Variants in CDC27 observed in about 807,000 individuals in gnomAD.
CDC27 encodes the protein cell division cycle protein 27 homolog.
CDC27 carries 27 observed loss-of-function variants against 109.7 expected under a neutral mutation model. The observed-to-expected ratio is 0.25, with a 90% CI of 0.18 to 0.34. CDC27 has a LOEUF of 0.34. Ranked by LOEUF, CDC27 falls within the 10% of genes least tolerant of loss-of-function variation. The probability of loss-of-function intolerance (pLI) is 1.00; values close to 1 mark genes in which losing one functional copy is unlikely to be tolerated. For synonymous variants in CDC27, 266 were observed against 333.9 expected (o/e 0.80, Z 2.22); for missense variants, 579 against 960.2 (o/e 0.60, Z 5.25).
rs536994001 is a variant in CDC27, at chr17:47,154,049, A to C, written c.957+623T>G. Among the ~76,000 whole-genome samples the C allele has an allele frequency of 2.1e-3, 320 of 151,114 alleles. 4 individuals carry two copies. Among genetic ancestry groups the C allele is most frequent in the African/African-American group, 7.3e-3 (299 of 41,108 alleles). The stretch of plus-strand genomic sequence containing the variant: ...GGCTACAGTGAGTCATGGTCACACC[A>C]CTGCACTCCAGCCTGGGCAGGAGAG... On this transcript the variant is annotated intron_variant, in intron 8 of 18. Transcript: ENST00000066544.
intron 15 of CDC27, among the ~76,000 whole-genome samples, chr17:47,131,280 T>C (rs1439948514): frequency 6.6e-6 from 1 of 152,212 alleles, no homozygotes; most frequent in East Asian, 1.9e-4. Flanking sequence ...AGACACATTA[T>C]CTCTCCATTT....
chr17:47,187,548 C>G (rs896777989), intron 1 of CDC27, among the ~76,000 whole-genome samples: 5 of 151,778 alleles, frequency 3.3e-5, no homozygotes, highest in African/African-American at 4.8e-5. Flanking sequence ...GTGATCCACC[C>G]GCCTCAGCCT....
chr17:47,147,361 T>G (rs1474364076), intron 9 of CDC27, among the ~76,000 whole-genome samples: 1 of 150,694 alleles, frequency 6.6e-6, no homozygotes, highest in Non-Finnish European at 1.5e-5. Flanking sequence ...ATCGCGCCAC[T>G]GCACTCCAGC....
intron 4 of CDC27, among the ~76,000 whole-genome samples, chr17:47,165,217 A>C (rs1395457434): frequency 6.6e-6 from 1 of 152,124 alleles, no homozygotes; most frequent in Non-Finnish European, 1.5e-5. Flanking sequence ...CTATTTACTT[A>C]CTGAATTTTG....
At chr17:47,122,337 T>C in intron 18 of CDC27, 107 bp downstream of exon 18, 1 of 724,718 alleles carries the variant, frequency 1.4e-6, no homozygotes. Context: ...GTCCATTTGG[T>C]ATAATGAAAA....
intron 2 of CDC27, among the ~76,000 whole-genome samples, chr17:47,174,210 A>G (rs2063909545): frequency 6.6e-6 from 1 of 152,234 alleles, no homozygotes; most frequent in African/African-American, 2.4e-5. Context: ...CAGCAGAAAA[A>G]GATAACAGTA....
chr17:47,134,384 A>G (rs538395763), intron 14 of CDC27, among the ~76,000 whole-genome samples: 1 of 151,592 alleles, frequency 6.6e-6, no homozygotes, highest in East Asian at 1.9e-4. Context: ...AGCTCACTGC[A>G]GGTAACCTTG....
rs1308636234 is a variant in CDC27 at position 47,132,295 on chromosome 17, T to G, written c.1993A>C (p.Asn665His). 1.2e-6 allele frequency: 2 copies of G among 1,602,886 alleles called. No homozygotes were observed. Among genetic ancestry groups the G allele is most frequent in the Non-Finnish European group, 1.7e-6 (2 of 1,173,002 alleles). ...EMHFQKALDI[N>H]PQSSVLLCHI... ...CAAAGTAAAACTGAACTTTGAGGGT[T>G]GATATCAAGCGCTTTTTGGAAATGC... The change falls in exon 15 of 19, where the codon AAC (asparagine) becomes CAC (histidine). Residue 665 changes from asparagine to histidine, a missense_variant. Asn to His is a moderately conservative substitution (Grantham distance 68). Around this residue, in one of 9 missense-constraint regions of CDC27, gnomAD observed 227 missense variants for 363.6 expected, o/e 0.62. Coordinates refer to ENST00000066544, the MANE Select transcript of CDC27 (RefSeq NM_001256.6).
At chr17:47,127,613 G>A (rs185541144) in intron 16 of CDC27, among the ~76,000 whole-genome samples, 2 of 151,986 alleles carry the variant, frequency 1.3e-5, no homozygotes, top group Admixed American at 1.3e-4. Flanking sequence ...AAGTTGGCCG[G>A]GCTGGCCTCA....
chr17:47,138,224 T>G (rs1284960540), intron 13 of CDC27, among the ~76,000 whole-genome samples: 1 of 152,200 alleles, frequency 6.6e-6, no homozygotes, highest in Non-Finnish European at 1.5e-5. Flanking sequence ...ATTGGTTCAG[T>G]AGCACTAATT....
chr17:47,159,944 C>T (rs776930242), intron 4 of CDC27: 18 of 352,472 alleles, frequency 5.1e-5, no homozygotes, highest in African/African-American at 8.9e-5. Context: ...GCCTCGGTCC[C>T]GGCCCCATCC....
chr17:47,166,368 T>C (rs1197621716), intron 4 of CDC27, among the ~76,000 whole-genome samples: 3 of 152,216 alleles, frequency 2.0e-5, no homozygotes, highest in Non-Finnish European at 4.4e-5. Flanking sequence ...GCCCATTTCA[T>C]CTAAGTTGTT....
chr17:47,184,510 T>C (rs2064356231), intron 1 of CDC27, among the ~76,000 whole-genome samples: 1 of 152,158 alleles, frequency 6.6e-6, no homozygotes, highest in Non-Finnish European at 1.5e-5. Flanking sequence ...GCTTTGAAAT[T>C]TTTTCTGTCC....
intron 1 of CDC27, among the ~76,000 whole-genome samples, chr17:47,187,211 T>C (rs1055388690): frequency 2.0e-5 from 3 of 152,184 alleles, no homozygotes; most frequent in Admixed American, 2.0e-4. Flanking sequence ...GTATTACTGC[T>C]CAGAGTACTT....
At chr17:47,161,793 G>C (rs1171784573) in intron 4 of CDC27, 1 of 151,714 alleles carries the variant, frequency 6.6e-6, no homozygotes, top group Non-Finnish European at 1.5e-5. Context: ...CTCATTGTTT[G>C]AGGATTATCC....
At position 47,120,847 on chromosome 17, in the gene CDC27, C is replaced by T; in HGVS notation, c.*88G>A. On this transcript the variant is annotated 3_prime_UTR_variant, in exon 19 of 19. Transcript: ENST00000066544. ...AAGTGACGGACGATGACACCGCCAG[C>T]TCAAGAGTAAAGACTCAGTATACAG... 2 of 915,096 alleles carry T rather than the reference C, an allele frequency of 2.2e-6. No homozygotes were observed. The highest frequency in any genetic ancestry group is 3.5e-6 in the Non-Finnish European group (2 of 568,056). The allele number at this position is 915,096 out of a possible 1,614,324, so 56.7% of individuals were successfully genotyped here. A position where few individuals can be genotyped will look rare whatever the true frequency, so the allele number is the denominator to read the frequency against.
chr17:47,150,431 C>G (rs2063118850), intron 9 of CDC27, among the ~76,000 whole-genome samples: 1 of 152,112 alleles, frequency 6.6e-6, no homozygotes, highest in South Asian at 2.1e-4. Context: ...GATACAGAAA[C>G]ACACATGGAA....
intron 9 of CDC27, among the ~76,000 whole-genome samples, chr17:47,149,485 T>C (rs2063085046): frequency 7.2e-6 from 1 of 138,858 alleles, no homozygotes; most frequent in South Asian, 2.2e-4. Context: ...CACTTCAGCC[T>C]GGTGACAGAG....
intron 15 of CDC27, among the ~76,000 whole-genome samples, chr17:47,131,401 T>C (rs1473926497): frequency 6.6e-6 from 1 of 152,118 alleles, no homozygotes; most frequent in East Asian, 1.9e-4. Context: ...GTCAATGTCA[T>C]TATAGTCAAT....
Sources: gnomAD v4.1 joint callset for allele counts (sites outside exome capture counted in the v4.1 genomes callset) on GRCh38, gnomAD v4.1.1 for gene constraint, gnomAD v4.1.1 regional missense constraint, MANE v1.5 for transcripts, NCBI Gene and HGNC (gene_info 2026-07-23, HGNC 2026-07-21) for gene names.